Variants in PRMT8 observed in about 807,000 individuals in gnomAD.
The protein encoded by PRMT8 is protein arginine N-methyltransferase 8.
In PRMT8, 7 loss-of-function variants were observed where a neutral mutation model predicts 47.1. The observed-to-expected ratio is 0.15, with a 90% confidence interval of 0.08 to 0.28. The LOEUF (loss-of-function observed/expected upper bound fraction) is 0.28, where lower values mean the gene tolerates loss of function less well. Among genes scored for constraint, PRMT8 ranks in the 10% least tolerant of loss-of-function variants. The pLI is 1.00. For missense variants in PRMT8, 237 were observed against 505.4 expected, an observed-to-expected ratio of 0.47 and a Z score of 5.09; for synonymous variants, 188 against 186.5, an observed-to-expected ratio of 1.01 and a Z score of -0.07.
intron 9 of PRMT8, among the ~76,000 whole-genome samples, 191 bp downstream of exon 9, chr12:3,592,543 CA>C (rs1565452320): frequency 6.6e-6 from 1 of 152,102 alleles, no homozygotes; most frequent in East Asian, 1.9e-4. Flanking sequence ...CAAAACTCCG[CA>C]AATAGAGGTT....
intron 6 of PRMT8, among the ~76,000 whole-genome samples, chr12:3,575,908 A>G (rs36054663): frequency 0.013 from 2,005 of 152,124 alleles, 16 homozygotes; most frequent in Non-Finnish European, 0.021. Flanking sequence ...AATCCCAGCT[A>G]CTCGGGAGGC....
intron 3 of PRMT8, chr12:3,553,295 T>G (rs1272284021): frequency 6.2e-6 from 2 of 321,862 alleles, no homozygotes; most frequent in African/African-American, 4.2e-5. Flanking sequence ...GGCTTGGATC[T>G]GCCTTCCCGC....
chr12:3,495,190 C>T (rs1398305769), intron 1 of PRMT8, among the ~76,000 whole-genome samples: 3 of 152,154 alleles, frequency 2.0e-5, no homozygotes, highest in African/African-American at 7.2e-5. Flanking sequence ...ACTGTTTGTC[C>T]TCTTCTCTAA....
chr12:3,401,973 A>G (rs1864321826), intron 1 of PRMT8, among the ~76,000 whole-genome samples: 1 of 152,232 alleles, frequency 6.6e-6, no homozygotes, highest in South Asian at 2.1e-4. Context: ...AGAATTAGAA[A>G]AAACTATTTT....
At chr12:3,393,755 T>G (rs367740934) in intron 1 of PRMT8, among the ~76,000 whole-genome samples, 9 of 124,080 alleles carry the variant, frequency 7.3e-5, no homozygotes, top group African/African-American at 2.5e-4. Flanking sequence ...GTGAAGAAAG[T>G]CATTGGTAGC....
At chr12:3,507,465 T>G in intron 1 of PRMT8, among the ~76,000 whole-genome samples, 1 of 152,124 alleles carries the variant, frequency 6.6e-6, no homozygotes, top group African/African-American at 2.4e-5. Context: ...AATGAAAGAC[T>G]ATAATTCCCA....
chr12:3,536,630 T>G (rs1212172829), intron 1 of PRMT8, among the ~76,000 whole-genome samples: 1 of 151,998 alleles, frequency 6.6e-6, no homozygotes, highest in Non-Finnish European at 1.5e-5. Flanking sequence ...GCCCTAGAGG[T>G]GAGGTGATCT....
chr12:3,559,000 A>T (rs906404630), intron 4 of PRMT8, among the ~76,000 whole-genome samples: 1 of 144,230 alleles, frequency 6.9e-6, no homozygotes, highest in African/African-American at 2.6e-5. Context: ...CTGTCTATCT[A>T]TCCTGTCTAT....
intron 2 of PRMT8, among the ~76,000 whole-genome samples, chr12:3,541,460 C>T (rs1271090466): frequency 6.6e-6 from 1 of 152,164 alleles, no homozygotes; most frequent in East Asian, 1.9e-4. Flanking sequence ...CTCCAGCCAC[C>T]CCAAATAAAC....
intron 1 of PRMT8, among the ~76,000 whole-genome samples, chr12:3,524,994 G>A (rs549401279): frequency 3.9e-5 from 6 of 152,114 alleles, no homozygotes; most frequent in Non-Finnish European, 8.8e-5. Flanking sequence ...AGACCGAGGC[G>A]GGTGGATCAC....
At chr12:3,460,246 G>A (rs143462586) in intron 1 of PRMT8, among the ~76,000 whole-genome samples, 6 of 152,244 alleles carry the variant, frequency 3.9e-5, no homozygotes, top group African/African-American at 1.4e-4. Context: ...CGGACCACAG[G>A]CCCCCAGCAA....
intron 1 of PRMT8, among the ~76,000 whole-genome samples, chr12:3,434,402 C>T (rs1405361215): frequency 2.6e-5 from 4 of 152,192 alleles, no homozygotes; most frequent in Non-Finnish European, 5.9e-5. Context: ...CCACCGTTCT[C>T]CTTGCTATCT....
rs964735585 is a variant in PRMT8, at chr12:3,572,036, C to T, written c.712+2472C>T. Among the ~76,000 whole-genome samples the T allele has an allele frequency of 9.9e-5, 15 of 152,276 alleles. 1 individual carries two copies. The highest frequency in any genetic ancestry group is 4.6e-4 in the Admixed American group (7 of 15,300). The stretch of plus-strand genomic sequence containing the variant: ...GGGAGAGCTTTCTTTCCTTTCCTCT[C>T]CTTTCCTTTTCTTTTATTTCCTTCC... On this transcript the variant is annotated intron_variant, in intron 6 of 9. Coordinates refer to ENST00000382622, the MANE Select transcript of PRMT8 (RefSeq NM_019854.5). This position sits in a 1 kb window ranked among gnomAD's most constrained non-coding sequence, Gnocchi z 5.9.
chr12:3,508,984 C>T lies in PRMT8; in HGVS notation c.75+17284C>T, dbSNP rs1280620903. Among the ~76,000 whole-genome samples the T allele has an allele frequency of 6.6e-6, 1 of 152,196 alleles. No homozygotes were observed. Among genetic ancestry groups the T allele is most frequent in the Admixed American group, 6.5e-5 (1 of 15,282 alleles). On this transcript the variant is annotated intron_variant, in intron 1 of 9. Transcript: ENST00000382622. This position sits in a 1 kb window ranked among gnomAD's most constrained non-coding sequence, Gnocchi z 4.9. ...TTTCTCCTCTTTGTCCTGAATCTGT[C>T]CTCCCCATTCCAGGCCCACTGTGGC...
chr12:3,535,107 G>A lies in PRMT8; in HGVS notation c.76-5499G>A, dbSNP rs1866095793. ...AAGGGATGTGGGTTAGGTCAAACAT[G>A]CTCCCCCAAATCCCCACCCCTGCTT... On this transcript the variant is annotated intron_variant, in intron 1 of 9. Coordinates refer to ENST00000382622, the MANE Select transcript of PRMT8 (RefSeq NM_019854.5). This position sits in a 1 kb window ranked among gnomAD's most constrained non-coding sequence, Gnocchi z 4.7. Among the ~76,000 whole-genome samples, 1 of 152,170 alleles carries A rather than the reference G, an allele frequency of 6.6e-6. No individual in the cohort carries two copies. The highest frequency in any genetic ancestry group is 1.5e-5 in the Non-Finnish European group (1 of 68,026).
At chr12:3,506,539 A>G (rs1020194658) in intron 1 of PRMT8, among the ~76,000 whole-genome samples, 2 of 152,164 alleles carry the variant, frequency 1.3e-5, no homozygotes, top group African/African-American at 4.8e-5. Flanking sequence ...TGAAGGGCCC[A>G]TTACAGGAGG....
chr12:3,391,670 T>C (rs988069905), intron 1 of PRMT8, among the ~76,000 whole-genome samples: 2 of 152,218 alleles, frequency 1.3e-5, no homozygotes, highest in South Asian at 4.1e-4. Flanking sequence ...TGTTATCCTG[T>C]ACCAAAGCTA....
intron 1 of PRMT8, among the ~76,000 whole-genome samples, chr12:3,385,678 G>A (rs1864131593): frequency 6.6e-6 from 1 of 152,186 alleles, no homozygotes; most frequent in Non-Finnish European, 1.5e-5. Flanking sequence ...AGTATACGTT[G>A]TCTCACTCAA....
At chr12:3,519,530 G>T (rs539728571) in intron 1 of PRMT8, among the ~76,000 whole-genome samples, 1 of 152,324 alleles carries the variant, frequency 6.6e-6, no homozygotes, top group Non-Finnish European at 1.5e-5. Context: ...GCTGTTTGAG[G>T]AACAGTGGGT....
Sources: allele counts gnomAD v4.1 joint callset (sites outside exome capture counted in the v4.1 genomes callset), GRCh38; gene constraint gnomAD v4.1.1; non-coding constraint Gnocchi (gnomAD v3.1); transcripts MANE v1.5; gene names NCBI Gene and HGNC (gene_info 2026-07-23, HGNC 2026-07-21).